Variants in NSMCE2 observed in about 807,000 individuals in gnomAD.
NSMCE2 encodes E3 SUMO-protein ligase NSE2.
In NSMCE2, 24 loss-of-function variants were observed where a neutral mutation model predicts 23.8. The ratio of observed to expected loss-of-function variants is 1.01; its 90% CI spans 0.73 to 1.42. The LOEUF (loss-of-function observed/expected upper bound fraction) is 1.42. Among genes scored for constraint, NSMCE2 ranks in the 40% most tolerant of loss-of-function variants. The pLI, the probability that NSMCE2 is intolerant of heterozygous loss-of-function variation, is 0.00. For missense variants in NSMCE2, 284 were observed against 296.5 expected (o/e 0.96, Z 0.31); for synonymous variants, 92 against 94.1 (o/e 0.98, Z 0.13).
chr8:125,284,724 A>C (rs768687167), intron 5 of NSMCE2, among the ~76,000 whole-genome samples: 2 of 152,236 alleles, frequency 1.3e-5, no homozygotes, highest in Admixed American at 6.5e-5. Context: ...TTGGATCACT[A>C]TTCTGGGATA....
At chr8:125,248,173 C>T (rs1335600523) in intron 5 of NSMCE2, among the ~76,000 whole-genome samples, 4 of 152,092 alleles carry the variant, frequency 2.6e-5, no homozygotes, top group Non-Finnish European at 4.4e-5. Flanking sequence ...TGAAAAGAAA[C>T]AGTCCGGGGT....
At chr8:125,319,206 T>C (rs1049088199) in intron 5 of NSMCE2, among the ~76,000 whole-genome samples, 10 of 152,118 alleles carry the variant, frequency 6.6e-5, no homozygotes, top group Admixed American at 4.6e-4. Flanking sequence ...AACTTTAAAA[T>C]AAGACCCAAA....
At chr8:125,277,300 A>G (rs546710503) in intron 5 of NSMCE2, among the ~76,000 whole-genome samples, 3 of 152,164 alleles carry the variant, frequency 2.0e-5, no homozygotes, top group African/African-American at 4.8e-5. Context: ...TGAGAAAGGT[A>G]TCTCCTCCTC....
At chr8:125,312,950 A>C (rs1331739274) in intron 5 of NSMCE2, among the ~76,000 whole-genome samples, 1 of 152,152 alleles carries the variant, frequency 6.6e-6, no homozygotes, top group Admixed American at 6.5e-5. Flanking sequence ...AGCACATATC[A>C]CATGCAAAGG....
intron 3 of NSMCE2, among the ~76,000 whole-genome samples, chr8:125,149,663 A>T (rs1820885546): frequency 6.6e-6 from 1 of 152,278 alleles, no homozygotes; most frequent in East Asian, 1.9e-4. Flanking sequence ...CTAATTTGCT[A>T]GTCCCTTTTT....
chr8:125,366,938 T>G lies in NSMCE2; in HGVS notation c.*53T>G. 9.7e-7 allele frequency: 1 copy of G among 1,025,644 alleles called. No homozygotes were observed. Among genetic ancestry groups the G allele is most frequent in the Non-Finnish European group, 1.5e-6 (1 of 645,292 alleles). 63.5% of individuals were successfully genotyped at this position (1,025,644 alleles called of 1,614,324 possible). ...AGCAGCCTACCTCCTACCCCAGCTGTCTGTTGAGAGCAGTGCTGACCCCAG... is the reference window on the plus strand; with the variant it reads ...AGCAGCCTACCTCCTACCCCAGCTGGCTGTTGAGAGCAGTGCTGACCCCAG... On this transcript the variant is annotated 3_prime_UTR_variant, in exon 8 of 8. Coordinates refer to ENST00000287437, the MANE Select transcript of NSMCE2 (RefSeq NM_173685.4).
chr8:125,341,243 C>T (rs1830232864), intron 5 of NSMCE2, among the ~76,000 whole-genome samples: 1 of 152,230 alleles, frequency 6.6e-6, no homozygotes, highest in African/African-American at 2.4e-5. Context: ...AGATGTCATT[C>T]ACATGCCAGG....
At chr8:125,172,789 TG>T (rs1822283954) in intron 4 of NSMCE2, among the ~76,000 whole-genome samples, 2 of 152,242 alleles carry the variant, frequency 1.3e-5, no homozygotes, top group African/African-American at 2.4e-5. Flanking sequence ...AATCCAAAGT[TG>T]GTATTTTTAA....
At chr8:125,201,548 A>G (rs770010289) in intron 5 of NSMCE2, among the ~76,000 whole-genome samples, 4 of 152,038 alleles carry the variant, frequency 2.6e-5, no homozygotes, top group Non-Finnish European at 5.9e-5. Flanking sequence ...TTGCTTCCTG[A>G]TCCTTCCTCT....
chr8:125,188,960 A>G (rs1320443276), intron 5 of NSMCE2, among the ~76,000 whole-genome samples: 1 of 152,250 alleles, frequency 6.6e-6, no homozygotes, highest in African/African-American at 2.4e-5. Context: ...ACAGATGAGA[A>G]GTAAACCAAG....
chr8:125,132,830 TAAG>T, intron 3 of NSMCE2, among the ~76,000 whole-genome samples: 1 of 152,238 alleles, frequency 6.6e-6, no homozygotes, highest in Middle Eastern at 3.4e-3. Context: ...ATACAATACT[TAAG>T]AAATAATTTG....
chr8:125,196,891 A>G (rs1430859360), intron 5 of NSMCE2, among the ~76,000 whole-genome samples: 1 of 152,168 alleles, frequency 6.6e-6, no homozygotes. Context: ...AATGATCGCC[A>G]TTCTAACTGG....
intron 3 of NSMCE2, among the ~76,000 whole-genome samples, chr8:125,142,071 C>T (rs1016643669): frequency 2.0e-5 from 3 of 152,112 alleles, no homozygotes; most frequent in African/African-American, 7.2e-5. Flanking sequence ...TCACTTGCTA[C>T]CTTTTGGTTC....
chr8:125,331,084 G>A (rs920939480), intron 5 of NSMCE2, among the ~76,000 whole-genome samples: 5 of 152,108 alleles, frequency 3.3e-5, no homozygotes, highest in Admixed American at 6.6e-5. Context: ...GGCGGATCAC[G>A]AGGTCAAGAG....
chr8:125,228,420 AAC>A (rs1825189370), intron 5 of NSMCE2, among the ~76,000 whole-genome samples: 1 of 152,218 alleles, frequency 6.6e-6, no homozygotes, highest in Admixed American at 6.5e-5. Flanking sequence ...GTGATAATGT[AAC>A]ACAAAGAAAT....
At chr8:125,123,016 C>T (rs908848385) in intron 3 of NSMCE2, among the ~76,000 whole-genome samples, 1 of 152,124 alleles carries the variant, frequency 6.6e-6, no homozygotes, top group Non-Finnish European at 1.5e-5. Flanking sequence ...AGTTTTGTCT[C>T]ATGTCTTTAA....
At chr8:125,116,968 A>C (rs1003619934) in intron 3 of NSMCE2, among the ~76,000 whole-genome samples, 1 of 149,148 alleles carries the variant, frequency 6.7e-6, no homozygotes, top group Admixed American at 6.7e-5. Context: ...GCTCATTGCA[A>C]CCTCCACCTC....
intron 3 of NSMCE2, among the ~76,000 whole-genome samples, chr8:125,131,464 T>G (rs1819767497): frequency 6.6e-6 from 1 of 152,266 alleles, no homozygotes; most frequent in South Asian, 2.1e-4. Context: ...ATGCTTGGGT[T>G]TAGAGAATGA....
chr8:125,272,730 C>T lies in NSMCE2; in HGVS notation c.419-84489C>T, dbSNP rs149149723. On this transcript the variant is annotated intron_variant, in intron 5 of 7. Transcript: ENST00000287437. The stretch of plus-strand genomic sequence containing the variant: ...TATATATATATAATATATATATATA[C>T]ACACACACACATATATATACACACG... 4.0e-3 allele frequency among the ~76,000 whole-genome samples: 472 copies of T among 118,312 alleles called. 31 individuals are homozygous for T. Among genetic ancestry groups the T allele is most frequent in the African/African-American group, 0.014 (425 of 29,350 alleles). 77.6% of individuals were successfully genotyped at this position (118,312 alleles called of 152,430 possible).
Sources: gnomAD v4.1 joint callset for allele counts (sites outside exome capture counted in the v4.1 genomes callset) on GRCh38, gnomAD v4.1.1 for gene constraint, MANE v1.5 for transcripts, NCBI Gene and HGNC (gene_info 2026-07-23, HGNC 2026-07-21) for gene names.